Variants in ELOVL4 observed in about 807,000 individuals in gnomAD.
ELOVL4 encodes ELOVL fatty acid elongase 4.
Under a neutral mutation model 42.1 loss-of-function variants are expected in ELOVL4, and 18 were observed. The ratio of observed to expected loss-of-function variants is 0.43; its 90% CI spans 0.30 to 0.63. The LOEUF is 0.63. ELOVL4 is among the 30% of genes least tolerant of loss of function. The pLI is 0.15. For synonymous variants in ELOVL4, 117 were observed against 127.0 expected (o/e 0.92, Z 0.53); for missense variants, 299 against 376.2 (o/e 0.79, Z 1.70).
intron 1 of ELOVL4, among the ~76,000 whole-genome samples, chr6:79,946,540 G>A (rs1774745304): frequency 1.3e-5 from 2 of 152,188 alleles, no homozygotes; most frequent in African/African-American, 2.4e-5. Flanking sequence ...AGTGCGCAAA[G>A]CCATTATAGA....
intron 3 of ELOVL4, 44 bp from the exon 4 acceptor site, chr6:79,921,840 T>C (rs1356469591): frequency 8.3e-6 from 13 of 1,570,732 alleles, no homozygotes; most frequent in African/African-American, 1.4e-5. Flanking sequence ...AATGACACTA[T>C]TGTATGGGTT....
chr6:79,919,252 C>T (rs1774210291), intron 5 of ELOVL4, among the ~76,000 whole-genome samples, 168 bp downstream of exon 5: 2 of 152,084 alleles, frequency 1.3e-5, no homozygotes, highest in African/African-American at 4.8e-5. Flanking sequence ...ACCAATAAGT[C>T]TATGAATAGG....
Position 79,927,987 on chromosome 6 carries a change from A to G in ELOVL4, c.101-1606T>C, listed in dbSNP as rs908778361. Among the ~76,000 whole-genome samples, 34 of 152,182 alleles carry G rather than the reference A, an allele frequency of 2.2e-4. 1 individual carries two copies. The highest frequency in any genetic ancestry group is 6.5e-5 in the Admixed American group (1 of 15,280). On this transcript the variant is annotated intron_variant, in intron 1 of 5. Coordinates refer to ENST00000369816, the MANE Select transcript of ELOVL4 (RefSeq NM_022726.4). ...ACGAAGGTCTTATCAGTGACTGTTC[A>G]CTTTTCTTAATGGCATTTTATCATT...
intron 1 of ELOVL4, among the ~76,000 whole-genome samples, chr6:79,940,061 G>C (rs1372721637): frequency 6.6e-6 from 1 of 152,100 alleles, no homozygotes; most frequent in Non-Finnish European, 1.5e-5. Context: ...TGCTATGTAC[G>C]TGTGTGAAAA....
chr6:79,918,744 G>C lies in ELOVL4; in HGVS notation c.669+676C>G, dbSNP rs1442785091. Among the ~76,000 whole-genome samples, 4 of 152,210 alleles carry C rather than the reference G, an allele frequency of 2.6e-5. 1 individual carries two copies. Among genetic ancestry groups the C allele is most frequent in the African/African-American group, 4.8e-5 (2 of 41,450 alleles). ...CAGTTTGATTACAGGCTAGTGCCTA[G>C]CATCTGAAAGGTACACTAATGCACA... On this transcript the variant is annotated intron_variant, in intron 5 of 5. Coordinates refer to ENST00000369816, the MANE Select transcript of ELOVL4 (RefSeq NM_022726.4).
chr6:79,933,918 G>C (rs149876985), intron 1 of ELOVL4, among the ~76,000 whole-genome samples: 5 of 152,352 alleles, frequency 3.3e-5, no homozygotes, highest in African/African-American at 1.2e-4. Flanking sequence ...TGAGAGAAGA[G>C]AGTCAAAGAA....
chr6:79,920,179 T>C (rs1364705219), intron 4 of ELOVL4, among the ~76,000 whole-genome samples: 2 of 152,224 alleles, frequency 1.3e-5, no homozygotes, highest in African/African-American at 4.8e-5. Context: ...TGTATTGTTT[T>C]AAACTGGGCC....
At chr6:79,918,452 A>G (rs1774196403) in intron 5 of ELOVL4, among the ~76,000 whole-genome samples, 2 of 152,200 alleles carry the variant, frequency 1.3e-5, no homozygotes, top group Admixed American at 6.5e-5. Context: ...AGAGAAATGA[A>G]TTACACAAAC....
intron 5 of ELOVL4, among the ~76,000 whole-genome samples, chr6:79,918,654 G>T (rs1774199630): frequency 6.6e-6 from 1 of 152,188 alleles, no homozygotes; most frequent in Non-Finnish European, 1.5e-5. Context: ...CACATGCTAT[G>T]ATTAAAGCAA....
intron 3 of ELOVL4, 152 bp from the exon 4 acceptor site, chr6:79,921,948 A>G: frequency 1.3e-6 from 1 of 742,598 alleles, no homozygotes; most frequent in South Asian, 1.7e-5. Context: ...TGAAAAACCT[A>G]AGCATCTCTC....
chr6:79,947,323 C>CAG lies in ELOVL4; in HGVS notation c.-46_-45dup. The CAG allele has an allele frequency of 2.0e-6, 3 of 1,497,448 alleles. No homozygotes were observed. The highest frequency in any genetic ancestry group is 2.8e-6 in the Non-Finnish European group (3 of 1,085,078). The allele number at this position is 1,497,448 out of a possible 1,614,324, so 92.8% of individuals were successfully genotyped here. A position where few individuals can be genotyped will look rare whatever the true frequency, so the allele number is the denominator to read the frequency against. On this transcript the variant is annotated 5_prime_UTR_variant, in exon 1 of 6. Coordinates refer to ENST00000369816, the MANE Select transcript of ELOVL4 (RefSeq NM_022726.4). ...CTGGCGGCAGGAGAAAGCGGAGACC[C>CAG]AGAGAGAGGGCTGACCCCGGAGGCG...
chr6:79,917,240 T>C (rs1230949990), intron 5 of ELOVL4, among the ~76,000 whole-genome samples: 1 of 152,180 alleles, frequency 6.6e-6, no homozygotes, highest in Non-Finnish European at 1.5e-5. Context: ...GGCTTTGTCT[T>C]GCCCATCGGT....
chr6:79,931,931 A>G (rs1370914632), intron 1 of ELOVL4, among the ~76,000 whole-genome samples: 1 of 152,234 alleles, frequency 6.6e-6, no homozygotes, highest in Non-Finnish European at 1.5e-5. Context: ...AAATTTAAGC[A>G]AACCTAAAGC....
At chr6:79,919,079 G>A (rs1033151639) in intron 5 of ELOVL4, among the ~76,000 whole-genome samples, 2 of 149,120 alleles carry the variant, frequency 1.3e-5, no homozygotes, top group African/African-American at 5.0e-5. Flanking sequence ...ATCACCTGTA[G>A]GGAAAAAATA....
Position 79,916,448 on chromosome 6 carries a change from T to C in ELOVL4, c.*160A>G, listed in dbSNP as rs1774161989. ...ACTTCATAAATAAAACATCTGGGTATGGTATTAACACTTTACTCAGTCTAA... is the reference window on the plus strand; with the variant it reads ...ACTTCATAAATAAAACATCTGGGTACGGTATTAACACTTTACTCAGTCTAA... On this transcript the variant is annotated 3_prime_UTR_variant, in exon 6 of 6. Coordinates refer to ENST00000369816, the MANE Select transcript of ELOVL4 (RefSeq NM_022726.4). 5.3e-6 allele frequency: 4 copies of C among 754,036 alleles called. No homozygotes were observed. The highest frequency in any genetic ancestry group is 8.8e-6 in the Non-Finnish European group (4 of 454,788). 46.7% of individuals were successfully genotyped at this position (754,036 alleles called of 1,614,324 possible). A position where few individuals can be genotyped will look rare whatever the true frequency, so the allele number is the denominator to read the frequency against.
rs1223930338 is a variant in ELOVL4 at position 79,939,719 on chromosome 6, G to A, written c.100+7461C>T. Among the ~76,000 whole-genome samples the A allele has an allele frequency of 5.3e-5, 8 of 151,806 alleles. No individual in the cohort carries two copies. The East Asian group carries it at 1.5e-3, about 29-fold the overall frequency. ...TTAATATTTTTTTGTTGCTCATGTT[G>A]GTCTTGAACTCCTGGGCTCAAGTGA... On this transcript the variant is annotated intron_variant, in intron 1 of 5. Coordinates refer to ENST00000369816, the MANE Select transcript of ELOVL4 (RefSeq NM_022726.4).
chr6:79,927,699 A>C (rs1012730713), intron 1 of ELOVL4, among the ~76,000 whole-genome samples: 1 of 152,152 alleles, frequency 6.6e-6, no homozygotes, highest in African/African-American at 2.4e-5. Context: ...TGATGACTCG[A>C]GATATGGGAA....
In ELOVL4 at chr6:79,926,219, A is replaced by G. The variant is rs1443434052; in HGVS notation, c.263T>C (p.Leu88Ser). Reference protein sequence around the residue: ...VLIIYNFGMVLLNLFIFRELF... With the variant: ...VLIIYNFGMVSLNLFIFRELF... ...CTCTCTGAAGATAAAGAGGTTAAGC[A>G]AAACCATCCCAAAATTATAGATAAT... is the stretch of plus-strand genomic sequence containing the variant. The change falls in exon 2 of 6, where the codon TTG becomes TCG. Residue 88 changes from leucine (L) to serine (S), a missense_variant. Physicochemically the swap from Leu to Ser is moderately radical, Grantham distance 145. Coordinates refer to ENST00000369816, the MANE Select transcript of ELOVL4 (RefSeq NM_022726.4). The G allele has an allele frequency of 6.2e-7, 1 of 1,613,890 alleles. No individual in the cohort carries two copies. Among genetic ancestry groups the G allele is most frequent in the East Asian group, 2.2e-5 (1 of 44,858 alleles).
intron 4 of ELOVL4, 87 bp downstream of exon 4, chr6:79,921,538 T>A: frequency 1.0e-6 from 1 of 955,498 alleles, no homozygotes; most frequent in Non-Finnish European, 1.6e-6. Flanking sequence ...AAATGGTAGA[T>A]CAAGTCAAAG....
Sources: gnomAD v4.1 joint callset for allele counts (sites outside exome capture counted in the v4.1 genomes callset) on GRCh38, gnomAD v4.1.1 for gene constraint, MANE v1.5 for transcripts, NCBI Gene and HGNC (gene_info 2026-07-23, HGNC 2026-07-21) for gene names.